The following PLA2G15 variants were observed in gnomAD, a reference collection of about 807,000 sequenced individuals.
PLA2G15 encodes lysosomal phospholipase A and acyltransferase.
A neutral mutation model predicts 40.9 loss-of-function variants in PLA2G15; 20 were observed. The observed-to-expected ratio is 0.49, with a 90% CI of 0.34 to 0.71. The LOEUF is 0.71. Among genes scored for constraint, PLA2G15 ranks in the 30% least tolerant of loss-of-function variants. The probability of loss-of-function intolerance (pLI) is 0.01; values close to 1 mark genes in which losing one functional copy is unlikely to be tolerated. For missense variants in PLA2G15, 471 were observed against 541.9 expected (o/e 0.87, Z 1.30); for synonymous variants, 223 against 228.2 (o/e 0.98, Z 0.21).
At position 68,255,441 on chromosome 16, in the gene PLA2G15, G is replaced by A. The variant is rs1346681411; in HGVS notation, c.502+61G>A. 3 of 1,161,360 alleles carry A rather than the reference G, an allele frequency of 2.6e-6. No individual in the cohort carries two copies. The highest frequency in any genetic ancestry group is 2.5e-6 in the Non-Finnish European group (2 of 803,424). The allele number at this position is 1,161,360 out of a possible 1,614,324, so 71.9% of individuals were successfully genotyped here. A position where few individuals can be genotyped will look rare whatever the true frequency, so the allele number is the denominator to read the frequency against. ...GGGAGGTAGGGGTGAGGTGATCATG[G>A]GCACCACAGACCTTGGGCTCTCCCC... On this transcript the variant is annotated intron_variant, in intron 4 of 5. Transcript: ENST00000219345. This position sits in a 1 kb window ranked among gnomAD's most constrained non-coding sequence, Gnocchi z 5.9.
At position 68,245,404 on chromosome 16, in the gene PLA2G15, A is replaced by T; in HGVS notation, c.-23A>T. ...CCAGAGAGCTGAACCTGCATCCCGG[A>T]CCTGCGGCGACCGTCGTACACCATG... is the stretch of plus-strand genomic sequence containing the variant. On this transcript the variant is annotated 5_prime_UTR_variant, in exon 1 of 6. Coordinates refer to ENST00000219345, the MANE Select transcript of PLA2G15 (RefSeq NM_012320.4). 1 of 1,600,602 alleles carries T rather than the reference A, an allele frequency of 6.2e-7. No individual in the cohort carries two copies. Among genetic ancestry groups the T allele is most frequent in the Non-Finnish European group, 8.5e-7 (1 of 1,179,022 alleles).
At chr16:68,247,252 C>G (rs570121107) in intron 1 of PLA2G15, among the ~76,000 whole-genome samples, 3 of 152,234 alleles carry the variant, frequency 2.0e-5, no homozygotes, top group Middle Eastern at 3.4e-3. Context: ...GGGGTGGATC[C>G]TGAAATGGTG....
intron 1 of PLA2G15, among the ~76,000 whole-genome samples, chr16:68,245,844 T>A (rs2042304576): frequency 6.6e-6 from 1 of 152,022 alleles, no homozygotes; most frequent in Admixed American, 6.6e-5. Flanking sequence ...CCTCCCCTTA[T>A]CCCATTTTTA....
chr16:68,252,743 G>A, intron 2 of PLA2G15: 1 of 385,656 alleles, frequency 2.6e-6, no homozygotes, highest in East Asian at 7.4e-5. Context: ...TAAGGCAGGA[G>A]GATCGCTTGA....
chr16:68,259,955 G>T lies in PLA2G15; in HGVS notation c.*298G>T. The T allele has an allele frequency of 2.2e-6, 1 of 448,908 alleles. No homozygotes were observed. The highest frequency in any genetic ancestry group is 4.0e-6 in the Non-Finnish European group (1 of 247,222). 27.8% of individuals were successfully genotyped at this position (448,908 alleles called of 1,614,324 possible). ...GTGGACTGGCTGGGCCCTGGTCCCAGTCCCTGCCTGGGGCCATGTGTCCCC... is the reference window on the plus strand; with the variant it reads ...GTGGACTGGCTGGGCCCTGGTCCCATTCCCTGCCTGGGGCCATGTGTCCCC... On this transcript the variant is annotated 3_prime_UTR_variant, in exon 6 of 6. Transcript: ENST00000219345. This position sits in a 1 kb window ranked among gnomAD's most constrained non-coding sequence, Gnocchi z 6.5.
At chr16:68,248,605 T>C in intron 1 of PLA2G15, 1 of 287,516 alleles carries the variant, frequency 3.5e-6, no homozygotes, top group Non-Finnish European at 6.0e-6. Flanking sequence ...CAAGCTGGTC[T>C]TGAACTCCTG....
intron 1 of PLA2G15, chr16:68,248,204 T>TTTC (rs2042325570): frequency 6.6e-6 from 1 of 152,248 alleles, no homozygotes; most frequent in South Asian, 2.1e-4. Flanking sequence ...CTCAGCTGTG[T>TTTC]TTCTGTTCAT....
At chr16:68,254,887 C>A in intron 2 of PLA2G15, 32 bp from the exon 3 acceptor site, 1 of 1,358,050 alleles carries the variant, frequency 7.4e-7, no homozygotes, top group Non-Finnish European at 1.1e-6. Flanking sequence ...GTGTCCCCTC[C>A]GGGTCACTGG....
chr16:68,252,493 A>G (rs1229611267), intron 2 of PLA2G15: 2 of 455,462 alleles, frequency 4.4e-6, no homozygotes, highest in African/African-American at 4.0e-5. Flanking sequence ...CCCTGTTCCC[A>G]TCATTTCTTC....
chr16:68,257,090 G>A (rs559642035), intron 5 of PLA2G15, among the ~76,000 whole-genome samples: 3 of 150,872 alleles, frequency 2.0e-5, no homozygotes, highest in South Asian at 2.1e-4. Context: ...TATGTTGGCC[G>A]GGCTAGTCTC....
At chr16:68,258,926 C>T in intron 5 of PLA2G15, 2 of 563,556 alleles carry the variant, frequency 3.5e-6, no homozygotes, top group Non-Finnish European at 6.3e-6. Context: ...TGCCATTATA[C>T]TCCAGCCTGG....
At position 68,245,518 on chromosome 16, in the gene PLA2G15, C is replaced by T. The variant is rs142099674; in HGVS notation, c.92C>T (p.Ala31Val). The T allele has an allele frequency of 3.0e-4, 484 of 1,595,880 alleles. No individual in the cohort carries two copies. The highest frequency in any genetic ancestry group is 8.2e-4 in the Middle Eastern group (5 of 6,070). ...CTGCTAATGCTGCTCGCGGACCCAGCGCTCCCGGCCGGACGTCACCCCCCA... is the reference window on the plus strand; with the variant it reads ...CTGCTAATGCTGCTCGCGGACCCAGTGCTCCCGGCCGGACGTCACCCCCCA... ...LLLLMLLADP[A>V]LPAGRHPPVV... Residue 31 changes from alanine to valine, a missense_variant, in exon 1 of 6, where the codon GCG (alanine) becomes GTG (valine). Coordinates refer to ENST00000219345, the MANE Select transcript of PLA2G15 (RefSeq NM_012320.4).
At chr16:68,257,328 A>G (rs925308244) in intron 5 of PLA2G15, among the ~76,000 whole-genome samples, 7 of 152,174 alleles carry the variant, frequency 4.6e-5, no homozygotes, top group Non-Finnish European at 1.0e-4. Flanking sequence ...CCTGGCCTCT[A>G]GACTACAGTT....
Position 68,249,347 on chromosome 16 carries a change from A to G in PLA2G15, c.185A>G (p.His62Arg), listed in dbSNP as rs1266181847. The G allele has an allele frequency of 6.2e-7, 1 of 1,614,020 alleles. No individual in the cohort carries two copies. Among genetic ancestry groups the G allele is most frequent in the South Asian group, 1.1e-5 (1 of 91,078 alleles). Residue 62 changes from histidine (H) to arginine (R), a missense_variant, in exon 2 of 6, where the codon CAC becomes CGC. Physicochemically the swap from His to Arg is conservative, Grantham distance 29. Transcript: ENST00000219345. Reference protein sequence around the residue: ...EAKLDKPTVVHYLCSKKTESY... With the variant: ...EAKLDKPTVVRYLCSKKTESY... ...AAGCTGGACAAGCCGACAGTGGTGCACTACCTCTGCTCCAAGAAGACCGAA... is the reference window on the plus strand; with the variant it reads ...AAGCTGGACAAGCCGACAGTGGTGCGCTACCTCTGCTCCAAGAAGACCGAA...
At position 68,260,025 on chromosome 16, in the gene PLA2G15, C is replaced by T. The variant is rs1227198466; in HGVS notation, c.*368C>T. 3.6e-6 allele frequency: 1 copy of T among 275,344 alleles called. No homozygotes were observed. The highest frequency in any genetic ancestry group is 7.0e-6 in the Non-Finnish European group (1 of 142,552). 17.1% of individuals were successfully genotyped at this position (275,344 alleles called of 1,614,324 possible). On this transcript the variant is annotated 3_prime_UTR_variant, in exon 6 of 6. Transcript: ENST00000219345. ...CATACTTGCCTACTGGGCCCTGGCCCCGCAGCCTTCCTATGAGGGATGTTA... is the reference window on the plus strand; with the variant it reads ...CATACTTGCCTACTGGGCCCTGGCCTCGCAGCCTTCCTATGAGGGATGTTA...
At chr16:68,251,276 C>G (rs925434868) in intron 2 of PLA2G15, among the ~76,000 whole-genome samples, 1 of 152,292 alleles carries the variant, frequency 6.6e-6, no homozygotes, top group Middle Eastern at 3.4e-3. Context: ...CCCTCCCAGG[C>G]TGAGTTCCGT....
At chr16:68,249,709 G>T (rs1260122294) in intron 2 of PLA2G15, among the ~76,000 whole-genome samples, 2 of 151,954 alleles carry the variant, frequency 1.3e-5, no homozygotes, top group African/African-American at 4.8e-5. Flanking sequence ...TTTATTTTGG[G>T]ATGGAGTCTT....
rs745496560 is a variant in PLA2G15, at chr16:68,255,682, G to A, written c.503-84G>A. 1.8e-4 allele frequency: 207 copies of A among 1,161,022 alleles called. No individual in the cohort carries two copies. Among genetic ancestry groups the A allele is most frequent in the Middle Eastern group, 7.8e-4 (4 of 5,122 alleles). 71.9% of individuals were successfully genotyped at this position (1,161,022 alleles called of 1,614,324 possible). A position where few individuals can be genotyped will look rare whatever the true frequency, so the allele number is the denominator to read the frequency against. ...GTGAGCACCCTCCCCTCCCCCTCTC[G>A]TCTTGTGTCTGGCCTGAGAAAAGCT... is the stretch of plus-strand genomic sequence containing the variant. On this transcript the variant is annotated intron_variant, in intron 4 of 5. Transcript: ENST00000219345. The surrounding 1 kb of genome is among the most constrained non-coding windows in gnomAD (Gnocchi z 5.9).
chr16:68,257,685 G>A (rs754909544), intron 5 of PLA2G15, among the ~76,000 whole-genome samples: 3 of 152,166 alleles, frequency 2.0e-5, no homozygotes, highest in East Asian at 1.9e-4. Flanking sequence ...TTGTGATTGG[G>A]TCAGGCCCAG....
Sources: allele counts gnomAD v4.1 joint callset (sites outside exome capture counted in the v4.1 genomes callset), GRCh38; gene constraint gnomAD v4.1.1; non-coding constraint Gnocchi (gnomAD v3.1); transcripts MANE v1.5; gene names NCBI Gene and HGNC (gene_info 2026-07-23, HGNC 2026-07-21).